The following ZNF681 variants were observed in gnomAD, a reference collection of about 807,000 sequenced individuals.
The protein encoded by ZNF681 is hypothetical protein FLJ31526.
In ZNF681, 37 loss-of-function variants were observed where a neutral mutation model predicts 56.0. That is an observed-to-expected ratio of 0.66 (90% CI 0.51 to 0.87). ZNF681 has a LOEUF of 0.87. Among genes scored for constraint, ZNF681 ranks in the 40% least tolerant of loss-of-function variants. The probability of loss-of-function intolerance (pLI) is 0.00; values close to 1 mark genes in which losing one functional copy is unlikely to be tolerated. For missense variants in ZNF681, 741 were observed against 744.9 expected, an observed-to-expected ratio of 0.99 and a Z score of 0.06; for synonymous variants, 225 against 248.6, an observed-to-expected ratio of 0.91 and a Z score of 0.89.
rs1435122486 is a variant in ZNF681, at chr19:23,741,980, C to T, written c.*1632G>A. On this transcript the variant is annotated 3_prime_UTR_variant, in exon 4 of 4. Transcript: ENST00000402377. ...CTTATTTGCAATTTAAAGCCACTGG[C>T]AAAACAGATTACTAGAAATGTTAGT... 1 of 151,920 alleles carries T rather than the reference C, an allele frequency of 6.6e-6. No homozygotes were observed. The highest frequency in any genetic ancestry group is 1.5e-5 in the Non-Finnish European group (1 of 68,004). The allele number at this position is 151,920 out of a possible 1,614,324, so 9.4% of individuals were successfully genotyped here. A position where few individuals can be genotyped will look rare whatever the true frequency, so the allele number is the denominator to read the frequency against.
intron 3 of ZNF681, among the ~76,000 whole-genome samples, chr19:23,752,979 G>GTA (rs1201308948): frequency 1.3e-5 from 2 of 151,506 alleles, no homozygotes; most frequent in East Asian, 1.9e-4. Flanking sequence ...TAGTATATGT[G>GTA]TATATATATA....
At chr19:23,758,371 T>A (rs541409229) in intron 1 of ZNF681, among the ~76,000 whole-genome samples, 2 of 152,302 alleles carry the variant, frequency 1.3e-5, no homozygotes, top group South Asian at 2.1e-4. Context: ...TTGACTCTCA[T>A]ACATTTTTAA....
At position 23,745,045 on chromosome 19, in the gene ZNF681, G is replaced by GT. The variant is rs745843775; in HGVS notation, c.504dup (p.Pro169ThrfsTer3). On this transcript the variant is annotated frameshift_variant, in exon 4 of 4. Coordinates refer to ENST00000402377, the MANE Select transcript of ZNF681 (RefSeq NM_138286.3). LOFTEE classifies it high-confidence loss of function. ...TTGCCAAATTCTTTATATTTAAAAGGTTTTTTTCTGGTGTGTCTTACCTTA... is the reference window on the plus strand; with the variant it reads ...TTGCCAAATTCTTTATATTTAAAAGGTTTTTTTTCTGGTGTGTCTTACCTTA... The GT allele has an allele frequency of 1.6e-4, 257 of 1,593,254 alleles. 1 individual carries two copies. The highest frequency in any genetic ancestry group is 2.2e-4 in the Non-Finnish European group (255 of 1,168,198).
chr19:23,752,654 G>T (rs1171595297), intron 3 of ZNF681, among the ~76,000 whole-genome samples: 1 of 152,140 alleles, frequency 6.6e-6, no homozygotes, highest in Non-Finnish European at 1.5e-5. Flanking sequence ...ACTAAAGGTG[G>T]ACCCTAGTGC....
In ZNF681 at chr19:23,740,540, A is replaced by G. The variant is rs563954768; in HGVS notation, c.*3072T>C. On this transcript the variant is annotated 3_prime_UTR_variant, in exon 4 of 4. Coordinates refer to ENST00000402377, the MANE Select transcript of ZNF681 (RefSeq NM_138286.3). ...GTCTTGAAGTTACAAACTAACTCCA[A>G]CAGGAATATTTATGGCTTATTATAA... 12 of 152,338 alleles carry G rather than the reference A, an allele frequency of 7.9e-5. No individual in the cohort carries two copies. The East Asian group carries it at 2.1e-3, about 27-fold the overall frequency. 9.4% of individuals were successfully genotyped at this position (152,338 alleles called of 1,614,324 possible).
intron 3 of ZNF681, among the ~76,000 whole-genome samples, chr19:23,752,907 G>A (rs1969054071): frequency 6.6e-6 from 1 of 151,918 alleles, no homozygotes; most frequent in African/African-American, 2.4e-5. Context: ...TCAAAAAAAT[G>A]AAAAAGAGCC....
Position 23,744,792 on chromosome 19 carries a change from A to G in ZNF681, c.758T>C (p.Leu253Pro). ...TTTGCTACATTCTTCACGTTTGTAG[A>G]GTTTGTCTCTAGTATAAATTATCTT... ...THKIIYTRDKLYKREECSKAF... is the reference protein window; with the variant it reads ...THKIIYTRDKPYKREECSKAF... Residue 253 changes from leucine (L) to proline (P), a missense_variant, in exon 4 of 4, where the codon CTC becomes CCC. By Grantham distance (98) the Leu-to-Pro change is moderately conservative. Coordinates refer to ENST00000402377, the MANE Select transcript of ZNF681 (RefSeq NM_138286.3). 6.2e-7 allele frequency: 1 copy of G among 1,612,142 alleles called. No individual in the cohort carries two copies. The highest frequency in any genetic ancestry group is 1.1e-5 in the South Asian group (1 of 90,820).
chr19:23,751,308 C>T (rs1969026483), intron 3 of ZNF681, among the ~76,000 whole-genome samples: 1 of 151,426 alleles, frequency 6.6e-6, no homozygotes, highest in Admixed American at 6.6e-5. Flanking sequence ...GAAACCCCGT[C>T]TCTACTAAAA....
chr19:23,752,289 C>A (rs577691889), intron 3 of ZNF681, among the ~76,000 whole-genome samples: 5 of 152,118 alleles, frequency 3.3e-5, no homozygotes, highest in Admixed American at 3.3e-4. Context: ...GGTCACATAC[C>A]CTTTCAGAGG....
At position 23,758,789 on chromosome 19, in the gene ZNF681, C is replaced by A. The variant is rs1270658915; in HGVS notation, c.-40G>T. The A allele has an allele frequency of 3.1e-6, 5 of 1,613,926 alleles. No homozygotes were observed. On this transcript the variant is annotated 5_prime_UTR_variant, in exon 1 of 4. Coordinates refer to ENST00000402377, the MANE Select transcript of ZNF681 (RefSeq NM_138286.3). ...GGGACCTGGCGTCTTAGCTATGGAT[C>A]GCCAATACCTGCAGGTCAGAGGGCC...
chr19:23,754,829 G>T lies in ZNF681; in HGVS notation c.220C>A (p.Pro74Thr), dbSNP rs1191935800. Reference sequence around the variant, plus strand: ...CACTTTCACTCTCACCTACCTGGGGGTTCGGCCACCATCCTATGTCTCTTT... The same window carrying T: ...CACTTTCACTCTCACCTACCTGGGGTTTCGGCCACCATCCTATGTCTCTTT... Reference protein sequence around the residue: ...TRKRHRMVAEPPVICSHFAQD... With the variant: ...TRKRHRMVAETPVICSHFAQD... Residue 74 changes from proline to threonine, a missense_variant, in exon 3 of 4, where the codon CCC (proline) becomes ACC (threonine). Physicochemically the swap from Pro to Thr is conservative, Grantham distance 38. Transcript: ENST00000402377. 6.2e-7 allele frequency: 1 copy of T among 1,613,770 alleles called. No homozygotes were observed. The highest frequency in any genetic ancestry group is 1.7e-5 in the Admixed American group (1 of 59,974).
Position 23,747,421 on chromosome 19 carries a change from C to T in ZNF681, c.227-2098G>A, listed in dbSNP as rs192148194. ...TTGGGAGGCCGAGGCGGGCGTATCA[C>T]GAGGTCAGGAGATCAAGACCATCCT... is the stretch of plus-strand genomic sequence containing the variant. On this transcript the variant is annotated intron_variant, in intron 3 of 3. Transcript: ENST00000402377. Among the ~76,000 whole-genome samples, 75 of 152,066 alleles carry T rather than the reference C, an allele frequency of 4.9e-4. 2 individuals are homozygous for T. The East Asian group carries it at 0.014, about 28-fold the overall frequency.
chr19:23,758,734 C>T lies in ZNF681; in HGVS notation c.3+13G>A. Reference sequence around the variant, plus strand: ...CTTCCCCTCTCTCGGGATGTCGGACCCGACATTCTCACCATTTCTAGGTTT... The same window carrying T: ...CTTCCCCTCTCTCGGGATGTCGGACTCGACATTCTCACCATTTCTAGGTTT... On this transcript the variant is annotated intron_variant, in intron 1 of 3. Transcript: ENST00000402377. The T allele has an allele frequency of 5.0e-6, 8 of 1,614,242 alleles. No homozygotes were observed. The highest frequency in any genetic ancestry group is 6.8e-6 in the Non-Finnish European group (8 of 1,180,044).
In ZNF681 at chr19:23,744,870, A is replaced by G; in HGVS notation, c.680T>C (p.Ile227Thr). 6.2e-7 allele frequency: 1 copy of G among 1,611,422 alleles called. No homozygotes were observed. The highest frequency in any genetic ancestry group is 8.5e-7 in the Non-Finnish European group (1 of 1,179,468). Residue 227 changes from isoleucine to threonine, a missense_variant, in exon 4 of 4, where the codon ATA becomes ACA. Transcript: ENST00000402377. ...ACAGGCTTTGCCACATTCTTCACAT[A>G]TGTACGATTTCTCTCCAATATGAAT... ...KRIHIGEKSYICEECGKACNQ... is the reference protein window; with the variant it reads ...KRIHIGEKSYTCEECGKACNQ...
Position 23,742,999 on chromosome 19 carries a change from A to C in ZNF681, c.*613T>G, listed in dbSNP as rs973926312. 1 of 152,172 alleles carries C rather than the reference A, an allele frequency of 6.6e-6. No homozygotes were observed. Among genetic ancestry groups the C allele is most frequent in the Non-Finnish European group, 1.5e-5 (1 of 68,034 alleles). 9.4% of individuals were successfully genotyped at this position (152,172 alleles called of 1,614,324 possible). A position where few individuals can be genotyped will look rare whatever the true frequency, so the allele number is the denominator to read the frequency against. ...AAGTGTCAGTGCCTTAACTATTTCT[A>C]CTGTGAATTATCTGATATTTACATA... On this transcript the variant is annotated 3_prime_UTR_variant, in exon 4 of 4. Coordinates refer to ENST00000402377, the MANE Select transcript of ZNF681 (RefSeq NM_138286.3).
At chr19:23,756,971 C>G (rs1969130599) in intron 1 of ZNF681, among the ~76,000 whole-genome samples, 1 of 151,842 alleles carries the variant, frequency 6.6e-6, no homozygotes, top group African/African-American at 2.4e-5. Flanking sequence ...CGTGGGTTCA[C>G]GCAATTCTCC....
Position 23,744,236 on chromosome 19 carries a change from A to G in ZNF681, c.1314T>C (p.Thr438=), listed in dbSNP as rs1255791313. The G allele has an allele frequency of 5.6e-6, 9 of 1,613,536 alleles. No homozygotes were observed. Among genetic ancestry groups the G allele is most frequent in the Non-Finnish European group, 7.6e-6 (9 of 1,179,802 alleles). The change falls in exon 4 of 4, where the codon ACT becomes ACC. Residue 438 remains threonine, a synonymous_variant. Coordinates refer to ENST00000402377, the MANE Select transcript of ZNF681 (RefSeq NM_138286.3). ...CTTCAGTATGAATATTCTTATGTTC[A>G]GTAAGGTTTGAGGATTGGTTAGAAG... ...GKASNQSSNL[T]EHKNIHTEEK...
Position 23,745,381 on chromosome 19 carries a change from C to G in ZNF681, c.227-58G>C, listed in dbSNP as rs1968930357. The G allele has an allele frequency of 2.1e-5, 28 of 1,314,834 alleles. 1 individual carries two copies. In the South Asian group the frequency reaches 5.0e-4, roughly 23 times the overall value. 81.4% of individuals were successfully genotyped at this position (1,314,834 alleles called of 1,614,324 possible). A position where few individuals can be genotyped will look rare whatever the true frequency, so the allele number is the denominator to read the frequency against. ...TTGATAAGACTCTAAATATACTTTA[C>G]AAATCCAACCTATACAATTATACAA... is the stretch of plus-strand genomic sequence containing the variant. On this transcript the variant is annotated intron_variant, in intron 3 of 3. Transcript: ENST00000402377.
At position 23,743,010 on chromosome 19, in the gene ZNF681, T is replaced by G. The variant is rs927062584; in HGVS notation, c.*602A>C. 6.6e-6 allele frequency: 1 copy of G among 152,230 alleles called. No individual in the cohort carries two copies. Among genetic ancestry groups the G allele is most frequent in the East Asian group, 1.9e-4 (1 of 5,194 alleles). The allele number at this position is 152,230 out of a possible 1,614,324, so 9.4% of individuals were successfully genotyped here. On this transcript the variant is annotated 3_prime_UTR_variant, in exon 4 of 4. Transcript: ENST00000402377. Reference sequence around the variant, plus strand: ...CCTTAACTATTTCTACTGTGAATTATCTGATATTTACATAGAATTTTGGAT... The same window carrying G: ...CCTTAACTATTTCTACTGTGAATTAGCTGATATTTACATAGAATTTTGGAT...
Sources: gnomAD v4.1 joint callset for allele counts (sites outside exome capture counted in the v4.1 genomes callset) on GRCh38, gnomAD v4.1.1 for gene constraint, MANE v1.5 for transcripts, NCBI Gene and HGNC (gene_info 2026-07-23, HGNC 2026-07-21) for gene names.